CACNG2: variants seen among roughly 807,000 people sequenced by gnomAD.
CACNG2 encodes voltage-dependent calcium channel gamma-2 subunit.
Under a neutral mutation model 25.9 loss-of-function variants are expected in CACNG2, and 3 were observed. The ratio of observed to expected loss-of-function variants is 0.12; its 90% CI spans 0.05 to 0.30. The LOEUF is 0.30. Among genes scored for constraint, CACNG2 ranks in the 10% least tolerant of loss-of-function variants. CACNG2 has a pLI of 1.00. For synonymous variants in CACNG2, 167 were observed against 173.3 expected (o/e 0.96, Z 0.29); for missense variants, 341 against 432.5 (o/e 0.79, Z 1.88).
chr22:36,564,873 G>A lies in CACNG2; in HGVS notation c.450C>T (p.Ile150=). 1 of 1,613,346 alleles carries A rather than the reference G, an allele frequency of 6.2e-7. No individual in the cohort carries two copies. The highest frequency in any genetic ancestry group is 1.3e-5 in the African/African-American group (1 of 75,052). The change falls in exon 4 of 4, where the codon ATC becomes ATT. Residue 150 remains isoleucine, a synonymous_variant. Coordinates refer to ENST00000300105, the MANE Select transcript of CACNG2 (RefSeq NM_006078.5). This position sits in a 1 kb window ranked among gnomAD's most constrained non-coding sequence, Gnocchi z 6.7. ...CAGATATGTACACTATGATGCCAAT[G>A]ATGTTACTCAGACCTGCGGGGCGCA... ...IFFVSAGLSN[I]IGIIVYISAN...
At chr22:36,611,750 C>T (rs944101680) in intron 1 of CACNG2, among the ~76,000 whole-genome samples, 5 of 152,118 alleles carry the variant, frequency 3.3e-5, no homozygotes, top group Admixed American at 6.5e-5. Context: ...CTGTGGCCGG[C>T]GTCTGTTCTG....
At chr22:36,589,274 T>C (rs1935551615) in intron 1 of CACNG2, among the ~76,000 whole-genome samples, 1 of 152,088 alleles carries the variant, frequency 6.6e-6, no homozygotes, top group Non-Finnish European at 1.5e-5. Flanking sequence ...ACAGGCATAA[T>C]CCACTGTGCC....
At chr22:36,641,664 C>G (rs752036470) in intron 1 of CACNG2, among the ~76,000 whole-genome samples, 27 of 152,324 alleles carry the variant, frequency 1.8e-4, no homozygotes, top group Non-Finnish European at 3.8e-4. Context: ...CGACGATTCT[C>G]TAGGCAATTG....
In CACNG2 at chr22:36,668,368, G is replaced by T. The variant is rs550731225; in HGVS notation, c.211+33998C>A. Among the ~76,000 whole-genome samples the T allele has an allele frequency of 1.7e-4, 26 of 152,324 alleles. No homozygotes were observed. The South Asian group carries it at 5.0e-3, about 29-fold the overall frequency. ...GAGATATAAGCGGAGACTTATTACA[G>T]GAATTGGCTCATGCTATTAGGGAGG... On this transcript the variant is annotated intron_variant, in intron 1 of 3. Coordinates refer to ENST00000300105, the MANE Select transcript of CACNG2 (RefSeq NM_006078.5).
chr22:36,594,783 CTGTGTG>C (rs767482884), intron 1 of CACNG2, among the ~76,000 whole-genome samples: 1 of 111,660 alleles, frequency 9.0e-6, no homozygotes, highest in Non-Finnish European at 1.9e-5. Flanking sequence ...GTGTGTGTGT[CTGTGTG>C]TGTGTCTTGT....
At chr22:36,623,425 C>A (rs1936138335) in intron 1 of CACNG2, among the ~76,000 whole-genome samples, 1 of 152,176 alleles carries the variant, frequency 6.6e-6, no homozygotes, top group Non-Finnish European at 1.5e-5. Context: ...AGAGCCTCGA[C>A]TAAAACCACA....
intron 1 of CACNG2, among the ~76,000 whole-genome samples, chr22:36,675,283 G>C (rs555664906): frequency 6.6e-6 from 1 of 151,922 alleles, no homozygotes; most frequent in African/African-American, 2.4e-5. Flanking sequence ...GGACACAAGC[G>C]ATCTTCCCGC....
intron 1 of CACNG2, among the ~76,000 whole-genome samples, chr22:36,649,260 A>G (rs567777594): frequency 6.6e-6 from 1 of 152,058 alleles, no homozygotes; most frequent in African/African-American, 2.4e-5. Flanking sequence ...GCTAATTCAC[A>G]TCCTGTTTCC....
At chr22:36,680,852 TACCACCACCATCACCATCACTATCACC>T (rs1439054189) in intron 1 of CACNG2, among the ~76,000 whole-genome samples, 3 of 138,616 alleles carry the variant, frequency 2.2e-5, no homozygotes, top group Non-Finnish European at 3.2e-5. Flanking sequence ...TTACAATTAC[TACCACCACCATCACCATCACTATCACC>T]ACCACCACCA....
At chr22:36,624,758 G>T (rs796653866) in intron 1 of CACNG2, among the ~76,000 whole-genome samples, 6 of 152,104 alleles carry the variant, frequency 3.9e-5, no homozygotes, top group East Asian at 1.9e-4. Context: ...GGCCGGGCCC[G>T]GTGGCTCCCG....
chr22:36,666,714 A>C (rs552397846), intron 1 of CACNG2, among the ~76,000 whole-genome samples: 1 of 151,752 alleles, frequency 6.6e-6, no homozygotes, highest in East Asian at 1.9e-4. Context: ...AAATAGAAAA[A>C]AAAATAAAAC....
At chr22:36,592,327 G>C (rs964152519) in intron 1 of CACNG2, among the ~76,000 whole-genome samples, 1 of 152,038 alleles carries the variant, frequency 6.6e-6, no homozygotes, top group Admixed American at 6.5e-5. Context: ...GGGTGCATGG[G>C]AGTGAGCTGC....
At chr22:36,587,396 G>T in intron 2 of CACNG2, 69 bp downstream of exon 2, 1 of 1,145,422 alleles carries the variant, frequency 8.7e-7, no homozygotes, top group South Asian at 1.2e-5. Flanking sequence ...CCTGGTCCTT[G>T]ACTCTGTGAA....
At chr22:36,643,446 C>A (rs1936471888) in intron 1 of CACNG2, among the ~76,000 whole-genome samples, 1 of 151,198 alleles carries the variant, frequency 6.6e-6, no homozygotes. Context: ...TTGGGACTTA[C>A]ATTCTAATGA....
At chr22:36,643,655 A>C (rs912552928) in intron 1 of CACNG2, among the ~76,000 whole-genome samples, 3 of 152,190 alleles carry the variant, frequency 2.0e-5, no homozygotes, top group African/African-American at 7.2e-5. Context: ...AGGTCTTAGC[A>C]TCTCACAGTG....
At chr22:36,641,488 A>G (rs1936441947) in intron 1 of CACNG2, among the ~76,000 whole-genome samples, 1 of 152,212 alleles carries the variant, frequency 6.6e-6, no homozygotes, top group African/African-American at 2.4e-5. Context: ...TTAAAACACA[A>G]ATACCCTTGG....
At position 36,654,795 on chromosome 22, in the gene CACNG2, C is replaced by T. The variant is rs369544072; in HGVS notation, c.211+47571G>A. Among the ~76,000 whole-genome samples the T allele has an allele frequency of 7.2e-5, 11 of 152,282 alleles. 1 individual carries two copies. The highest frequency in any genetic ancestry group is 6.2e-4 in the South Asian group (3 of 4,826). ...GATCTTCTAGAACTTCAGATTATTA[C>T]ATTTCTTTTCTAGTTATCGAAAACA... On this transcript the variant is annotated intron_variant, in intron 1 of 3. Coordinates refer to ENST00000300105, the MANE Select transcript of CACNG2 (RefSeq NM_006078.5).
intron 1 of CACNG2, among the ~76,000 whole-genome samples, chr22:36,656,584 A>G (rs368461832): frequency 9.2e-5 from 14 of 151,856 alleles, no homozygotes; most frequent in African/African-American, 3.1e-4. Context: ...CCCACCAGCC[A>G]GAAAATGACT....
chr22:36,654,427 TC>T (rs1387812355), intron 1 of CACNG2, among the ~76,000 whole-genome samples: 2 of 152,012 alleles, frequency 1.3e-5, no homozygotes, highest in Non-Finnish European at 2.9e-5. Context: ...AGACAGAGTT[TC>T]CCTATGTTGC....
Sources: gnomAD v4.1 joint callset for allele counts (sites outside exome capture counted in the v4.1 genomes callset) on GRCh38, gnomAD v4.1.1 for gene constraint, Gnocchi (gnomAD v3.1) non-coding constraint, MANE v1.5 for transcripts, NCBI Gene and HGNC (gene_info 2026-07-23, HGNC 2026-07-21) for gene names.